Variants in ZBTB40 observed in about 807,000 individuals in gnomAD.
The protein encoded by ZBTB40 is zinc finger and BTB domain containing 40, also known as zinc finger and BTB domain-containing protein 40.
In ZBTB40, 60 loss-of-function variants were observed where a neutral mutation model predicts 117.5. The ratio of observed to expected loss-of-function variants is 0.51; its 90% CI spans 0.41 to 0.63. The LOEUF is 0.63. Among genes scored for constraint, ZBTB40 ranks in the 30% least tolerant of loss-of-function variants. The pLI, the probability that ZBTB40 is intolerant of heterozygous loss-of-function variation, is 0.00. For synonymous variants in ZBTB40, 525 were observed against 577.1 expected, an observed-to-expected ratio of 0.91 and a Z score of 1.29; for missense variants, 1,287 against 1,498.5, an observed-to-expected ratio of 0.86 and a Z score of 2.33.
Position 22,520,284 on chromosome 1 carries a change from A to T in ZBTB40, c.3048+9A>T. ...GCAACAAGGCCTACCAGGTGACCTC[A>T]GGTGCCACTGGGAGCTCTTCCCCTC... On this transcript the variant is annotated intron_variant, in intron 14 of 17. Transcript: ENST00000375647. 3.1e-6 allele frequency: 5 copies of T among 1,607,790 alleles called. No homozygotes were observed. The South Asian group carries it at 5.5e-5, about 18-fold the overall frequency.
In ZBTB40 at chr1:22,521,751, T is replaced by C; in HGVS notation, c.3211+93T>C. 1.9e-6 allele frequency: 3 copies of C among 1,562,254 alleles called. No homozygotes were observed. In the South Asian group the frequency reaches 3.3e-5, roughly 17 times the overall value. The stretch of plus-strand genomic sequence containing the variant: ...GAAATCCCCACTTCTAATAGTCTAG[T>C]GTGATGTGCAGTGGTCATTGCCTTT... On this transcript the variant is annotated intron_variant, in intron 15 of 17. Coordinates refer to ENST00000375647, the MANE Select transcript of ZBTB40 (RefSeq NM_014870.4).
chr1:22,466,294 A>G (rs908183556), intron 1 of ZBTB40, among the ~76,000 whole-genome samples: 2 of 152,224 alleles, frequency 1.3e-5, no homozygotes, highest in Non-Finnish European at 2.9e-5. Context: ...GTTGATGGAC[A>G]TTTAGGTTGT....
chr1:22,469,074 C>T (rs1484486454), intron 1 of ZBTB40, among the ~76,000 whole-genome samples: 1 of 152,076 alleles, frequency 6.6e-6, no homozygotes, highest in Non-Finnish European at 1.5e-5. Context: ...AGGGATCCTC[C>T]TGCCTTGGCC....
At chr1:22,433,456 A>AAAAAAAAAAAAAAAAAAAAC (rs1287606502) in intron 1 of ZBTB40, among the ~76,000 whole-genome samples, 1 of 139,702 alleles carries the variant, frequency 7.2e-6, no homozygotes, top group Non-Finnish European at 1.6e-5. Flanking sequence ...AAAAAAAAAA[A>AAAAAAAAAAAAAAAAAAAAC]AGACAGCTAA....
Position 22,506,131 on chromosome 1 carries a change from T to C in ZBTB40, c.1250T>C (p.Leu417Pro). 1 of 1,614,158 alleles carries C rather than the reference T, an allele frequency of 6.2e-7. No homozygotes were observed. Among genetic ancestry groups the C allele is most frequent in the Non-Finnish European group, 8.5e-7 (1 of 1,180,010 alleles). The part of the protein sequence containing the change: ...LLHRMTEEKT[L>P]TAEGLVKLLQ... ...CACAGAATGACTGAAGAGAAGACGC[T>C]GACTGCTGAGGGTTTGGTAAAACTC... The change falls in exon 6 of 18, where the codon CTG becomes CCG. Residue 417 changes from leucine (L) to proline (P), a missense_variant. Around this residue, in one of 2 missense-constraint regions of ZBTB40, gnomAD observed 870 missense variants for 934.4 expected, o/e 0.93. Coordinates refer to ENST00000375647, the MANE Select transcript of ZBTB40 (RefSeq NM_014870.4).
chr1:22,431,278 A>G (rs115006543), intron 1 of ZBTB40, among the ~76,000 whole-genome samples: 869 of 142,934 alleles, frequency 6.1e-3, no homozygotes, highest in African/African-American at 0.023. Context: ...AATATATACA[A>G]TATTGTATAT....
At chr1:22,459,755 A>G (rs1234654472) in intron 1 of ZBTB40, among the ~76,000 whole-genome samples, 1 of 151,864 alleles carries the variant, frequency 6.6e-6, no homozygotes, top group African/African-American at 2.4e-5. Context: ...TGGTATTTTT[A>G]TTAGGATTGT....
At position 22,526,243 on chromosome 1, in the gene ZBTB40, G is replaced by A; in HGVS notation, c.3567G>A (p.Val1189=). 10 of 1,614,202 alleles carry A rather than the reference G, an allele frequency of 6.2e-6. No individual in the cohort carries two copies. Among genetic ancestry groups the A allele is most frequent in the Non-Finnish European group, 8.5e-6 (10 of 1,180,046 alleles). ...TPEPVAPTEQ[V]ITLEETQLAG... ...AGCCGGTGGCCCCGACAGAGCAGGTGATCACTTTGGAGGAGACCCAGCTTG... is the reference window on the plus strand; with the variant it reads ...AGCCGGTGGCCCCGACAGAGCAGGTAATCACTTTGGAGGAGACCCAGCTTG... Residue 1189 remains valine, a synonymous_variant, in exon 18 of 18, where the codon GTG becomes GTA. Coordinates refer to ENST00000375647, the MANE Select transcript of ZBTB40 (RefSeq NM_014870.4).
rs577900930 is a variant in ZBTB40 at position 22,501,509 on chromosome 1, C to A, written c.849C>A (p.Phe283Leu). 3.7e-6 allele frequency: 6 copies of A among 1,613,920 alleles called. No individual in the cohort carries two copies. The highest frequency in any genetic ancestry group is 5.1e-6 in the Non-Finnish European group (6 of 1,179,990). ...TTCCATAGATGATAGTGAAATGTTTCGAGGGTGAAGGAGGACATTCAGCAT... is the reference window on the plus strand; with the variant it reads ...TTCCATAGATGATAGTGAAATGTTTAGAGGGTGAAGGAGGACATTCAGCAT... ...GPQKEMIVKCFEGEGGHSAFQ... is the reference protein window; with the variant it reads ...GPQKEMIVKCLEGEGGHSAFQ... The change falls in exon 4 of 18, where the codon TTC becomes TTA. Residue 283 changes from phenylalanine (F) to leucine (L), a missense_variant. Transcript: ENST00000375647.
intron 9 of ZBTB40, among the ~76,000 whole-genome samples, chr1:22,510,835 C>T (rs540287090): frequency 2.6e-4 from 40 of 152,300 alleles, no homozygotes; most frequent in Non-Finnish European, 4.4e-4. Flanking sequence ...AATCCTATAG[C>T]TTTTCAAGCT....
chr1:22,450,707 T>C (rs140382151), upstream of ZBTB40, among the ~76,000 whole-genome samples: 1 of 152,276 alleles, frequency 6.6e-6, no homozygotes, highest in Non-Finnish European at 1.5e-5. Context: ...GTAAATATGA[T>C]CGACCGGGAG....
chr1:22,473,009 T>C (rs1641447969), intron 1 of ZBTB40, among the ~76,000 whole-genome samples: 1 of 152,218 alleles, frequency 6.6e-6, no homozygotes, highest in East Asian at 1.9e-4. Flanking sequence ...TTTTTCTGTC[T>C]GGAGCCAAGG....
chr1:22,480,629 C>T (rs888081971), intron 1 of ZBTB40, among the ~76,000 whole-genome samples: 1 of 152,128 alleles, frequency 6.6e-6, no homozygotes, highest in African/African-American at 2.4e-5. Context: ...GGATTACAGG[C>T]GTGAGCCACC....
chr1:22,448,646 T>G (rs1640816066), upstream of ZBTB40, among the ~76,000 whole-genome samples: 1 of 152,152 alleles, frequency 6.6e-6, no homozygotes. Flanking sequence ...TGTTTCCTCC[T>G]GTATAAAATG....
chr1:22,498,679 G>T (rs767023851), intron 3 of ZBTB40, among the ~76,000 whole-genome samples: 4 of 152,094 alleles, frequency 2.6e-5, no homozygotes, highest in African/African-American at 7.2e-5. Context: ...AAGCATATCA[G>T]ATGCCACCAT....
chr1:22,507,645 A>T (rs1173651308), intron 6 of ZBTB40, among the ~76,000 whole-genome samples: 1 of 152,186 alleles, frequency 6.6e-6, no homozygotes, highest in East Asian at 1.9e-4. Context: ...CGTCTTTAGG[A>T]TCGCCACACG....
chr1:22,515,740 T>A (rs1028936972), intron 12 of ZBTB40, among the ~76,000 whole-genome samples: 1 of 152,230 alleles, frequency 6.6e-6, no homozygotes, highest in Non-Finnish European at 1.5e-5. Flanking sequence ...CCTTTTGCCA[T>A]GTATGGTAAC....
At chr1:22,467,445 G>T (rs1641282839) in intron 1 of ZBTB40, among the ~76,000 whole-genome samples, 1 of 152,116 alleles carries the variant, frequency 6.6e-6, no homozygotes, top group Non-Finnish European at 1.5e-5. Context: ...CTAGCCCATT[G>T]CTCCCTCTCC....
chr1:22,496,457 G>C (rs1181177704), intron 3 of ZBTB40, among the ~76,000 whole-genome samples: 1 of 152,036 alleles, frequency 6.6e-6, no homozygotes, highest in Non-Finnish European at 1.5e-5. Flanking sequence ...CAGTTGTAGG[G>C]GGACGCTGTA....
Sources: gnomAD v4.1 joint callset for allele counts (sites outside exome capture counted in the v4.1 genomes callset) on GRCh38, gnomAD v4.1.1 for gene constraint, gnomAD v4.1.1 regional missense constraint, MANE v1.5 for transcripts, NCBI Gene and HGNC (gene_info 2026-07-23, HGNC 2026-07-21) for gene names.